HSD17B12: variants seen among roughly 807,000 people sequenced by gnomAD.
The protein encoded by HSD17B12 is very-long-chain 3-oxoacyl-CoA reductase.
A neutral mutation model predicts 39.3 loss-of-function variants in HSD17B12; 32 were observed. The ratio of observed to expected loss-of-function variants is 0.81; its 90% CI spans 0.61 to 1.09. HSD17B12 has a LOEUF of 1.09. Among genes scored for constraint, HSD17B12 ranks in the 50% least tolerant of loss-of-function variants. The pLI, the probability that HSD17B12 is intolerant of heterozygous loss-of-function variation, is 0.00. For missense variants in HSD17B12, 342 were observed against 382.9 expected (o/e 0.89, Z 0.89); for synonymous variants, 150 against 146.7 (o/e 1.02, Z -0.16).
chr11:43,622,886 A>G, the HSD17B12 span, among the ~76,000 whole-genome samples: 1 of 152,082 alleles, frequency 6.6e-6, no homozygotes, highest in Non-Finnish European at 1.5e-5. Flanking sequence ...TTAAAAAAAA[A>G]TTTCAAAAGG....
the HSD17B12 span, among the ~76,000 whole-genome samples, chr11:43,653,409 T>C: frequency 1.6e-4 from 24 of 152,182 alleles, no homozygotes; most frequent in African/African-American, 4.8e-4. Context: ...TTTTTTCTTA[T>C]TATTATTATA....
At chr11:43,710,394 A>G (rs535993142) in intron 1 of HSD17B12, among the ~76,000 whole-genome samples, 54 of 152,350 alleles carry the variant, frequency 3.5e-4, no homozygotes, top group African/African-American at 1.2e-3. Flanking sequence ...TCAAAATGAT[A>G]GTATCTTTTA....
intron 1 of HSD17B12, among the ~76,000 whole-genome samples, chr11:43,706,682 A>G (rs1384952309): frequency 1.3e-5 from 1 of 79,754 alleles, no homozygotes; most frequent in Non-Finnish European, 2.8e-5. Flanking sequence ...TGCTCTGTGA[A>G]TGAAGGGGTG....
At chr11:43,734,311 G>A in intron 1 of HSD17B12, 2 of 1,123,030 alleles carry the variant, frequency 1.8e-6, no homozygotes, top group African/African-American at 3.0e-5. Context: ...AAGCCAAAAA[G>A]GTGGCTCAGC....
chr11:43,568,235 A>C, the HSD17B12 span, among the ~76,000 whole-genome samples: 1 of 151,930 alleles, frequency 6.6e-6, no homozygotes, highest in Non-Finnish European at 1.5e-5. Context: ...GAGTAGCTAG[A>C]ATTACAGGCA....
At chr11:43,775,259 T>G (rs1950688605) in intron 3 of HSD17B12, among the ~76,000 whole-genome samples, 1 of 152,042 alleles carries the variant, frequency 6.6e-6, no homozygotes, top group Non-Finnish European at 1.5e-5. Flanking sequence ...CGGAGTCAAT[T>G]ACATTACAGA....
chr11:43,826,802 A>T (rs1951246809), intron 6 of HSD17B12, among the ~76,000 whole-genome samples: 1 of 152,210 alleles, frequency 6.6e-6, no homozygotes, highest in South Asian at 2.1e-4. Flanking sequence ...TGCTCAAATT[A>T]CACAGTTTGC....
chr11:43,742,137 A>ATTTT (rs1238363486), intron 1 of HSD17B12, among the ~76,000 whole-genome samples: 6 of 85,130 alleles, frequency 7.0e-5, no homozygotes, highest in East Asian at 2.8e-4. Flanking sequence ...ATATATATAT[A>ATTTT]TATTTTTTTT....
At position 43,831,053 on chromosome 11, in the gene HSD17B12, C is replaced by A; in HGVS notation, c.536+43C>A. Reference sequence around the variant, plus strand: ...ATACAAACACTGTGGAAGCAGAGCTCATGATTATTTAGAGGGAGAATCCTT... The same window carrying A: ...ATACAAACACTGTGGAAGCAGAGCTAATGATTATTTAGAGGGAGAATCCTT... On this transcript the variant is annotated intron_variant, in intron 7 of 10. Coordinates refer to ENST00000278353, the MANE Select transcript of HSD17B12 (RefSeq NM_016142.3). This position sits in a 1 kb window ranked among gnomAD's most constrained non-coding sequence, Gnocchi z 4.1. 6.4e-7 allele frequency: 1 copy of A among 1,559,156 alleles called. No homozygotes were observed. The highest frequency in any genetic ancestry group is 1.2e-5 in the South Asian group (1 of 85,576).
At chr11:43,785,291 A>G (rs1388570763) in intron 3 of HSD17B12, among the ~76,000 whole-genome samples, 1 of 152,224 alleles carries the variant, frequency 6.6e-6, no homozygotes, top group Admixed American at 6.5e-5. Context: ...ACAAAACAAT[A>G]TACAGCATAT....
chr11:43,678,465 T>C (rs1330827586), upstream of HSD17B12, among the ~76,000 whole-genome samples: 1 of 152,230 alleles, frequency 6.6e-6, no homozygotes, highest in African/African-American at 2.4e-5. Flanking sequence ...ATTTTGGCTT[T>C]TGTTGCCATT....
At chr11:43,728,235 T>A (rs1393721210) in intron 1 of HSD17B12, among the ~76,000 whole-genome samples, 3 of 152,030 alleles carry the variant, frequency 2.0e-5, no homozygotes, top group Non-Finnish European at 4.4e-5. Flanking sequence ...CCAGCTAATT[T>A]TTGTATTTTT....
the HSD17B12 span, among the ~76,000 whole-genome samples, chr11:43,649,963 C>CT: frequency 2.0e-5 from 3 of 152,178 alleles, no homozygotes; most frequent in African/African-American, 2.4e-5. Flanking sequence ...CCAAAGAACA[C>CT]TAAGTGAAGA....
chr11:43,683,104 G>GTTTTTTTTTTTT, intron 1 of HSD17B12, among the ~76,000 whole-genome samples: 1 of 140,618 alleles, frequency 7.1e-6, no homozygotes, highest in Non-Finnish European at 1.6e-5. Flanking sequence ...GTTTTTTTTT[G>GTTTTTTTTTTTT]TTTTTTTTTT....
chr11:43,793,902 A>G (rs867936538), intron 3 of HSD17B12, among the ~76,000 whole-genome samples: 1 of 152,174 alleles, frequency 6.6e-6, no homozygotes, highest in Admixed American at 6.5e-5. Flanking sequence ...CTTTTCCACA[A>G]TTGTAGTTAT....
At chr11:43,619,259 T>TTTATATCTATATAAAATATATATATATA in the HSD17B12 span, among the ~76,000 whole-genome samples, 1 of 82,052 alleles carries the variant, frequency 1.2e-5, no homozygotes, top group African/African-American at 3.8e-5. Flanking sequence ...TATATATATA[T>TTTATATCTATATAAAATATATATATATA]TTTATATATA....
At chr11:43,568,397 C>T in the HSD17B12 span, among the ~76,000 whole-genome samples, 2 of 152,206 alleles carry the variant, frequency 1.3e-5, no homozygotes, top group South Asian at 4.2e-4. Context: ...GCCACTGCAC[C>T]CAGCCTCCTG....
intron 4 of HSD17B12, among the ~76,000 whole-genome samples, chr11:43,808,504 GCT>G (rs1282149810): frequency 6.6e-6 from 1 of 152,080 alleles, no homozygotes; most frequent in Non-Finnish European, 1.5e-5. Context: ...TGGGTAATTA[GCT>G]CTGTTATTTC....
intron 7 of HSD17B12, among the ~76,000 whole-genome samples, chr11:43,834,993 A>C (rs1951355095): frequency 6.6e-6 from 1 of 152,188 alleles, no homozygotes; most frequent in Admixed American, 6.5e-5. Flanking sequence ...AGAATGTTGC[A>C]TTACAGAAAA....
Sources: allele counts gnomAD v4.1 joint callset (sites outside exome capture counted in the v4.1 genomes callset), GRCh38; gene constraint gnomAD v4.1.1; non-coding constraint Gnocchi (gnomAD v3.1); transcripts MANE v1.5; gene names NCBI Gene and HGNC (gene_info 2026-07-23, HGNC 2026-07-21).